Variants in CDH6 observed in about 807,000 individuals in gnomAD.
CDH6 encodes the protein cadherin 6.
In CDH6, 31 loss-of-function variants were observed where a neutral mutation model predicts 78.0. The observed-to-expected ratio is 0.40, with a 90% CI of 0.30 to 0.54. The LOEUF is 0.54. Among genes scored for constraint, CDH6 ranks in the 20% least tolerant of loss-of-function variants. CDH6 has a pLI of 0.56. For synonymous variants in CDH6, 376 were observed against 368.8 expected, an observed-to-expected ratio of 1.02 and a Z score of -0.23; for missense variants, 724 against 975.9, an observed-to-expected ratio of 0.74 and a Z score of 3.44.
At chr5:31,206,374 G>A (rs767810376) in intron 1 of CDH6, among the ~76,000 whole-genome samples, 17 of 152,254 alleles carry the variant, frequency 1.1e-4, no homozygotes, top group South Asian at 4.1e-4. Flanking sequence ...ATCCTTCAGT[G>A]AGTGTACCAG....
intron 11 of CDH6, among the ~76,000 whole-genome samples, 168 bp from the exon 12 acceptor site, chr5:31,322,650 G>T (rs948004046): frequency 1.3e-5 from 2 of 152,200 alleles, no homozygotes; most frequent in African/African-American, 4.8e-5. Context: ...TATGGGTCCC[G>T]GTTTGATCAT....
intron 1 of CDH6, among the ~76,000 whole-genome samples, chr5:31,199,770 A>C (rs1052454233): frequency 6.7e-6 from 1 of 148,270 alleles, no homozygotes; most frequent in East Asian, 2.0e-4. Flanking sequence ...TTATACATCC[A>C]AATAATAATG....
intron 1 of CDH6, among the ~76,000 whole-genome samples, chr5:31,205,110 A>G (rs1228782561): frequency 6.6e-6 from 1 of 152,224 alleles, no homozygotes; most frequent in Non-Finnish European, 1.5e-5. Flanking sequence ...GAGTTTTAAG[A>G]TGAGGGCATC....
chr5:31,287,105 C>A (rs887529911), intron 2 of CDH6, among the ~76,000 whole-genome samples: 4 of 151,928 alleles, frequency 2.6e-5, no homozygotes, highest in Admixed American at 1.3e-4. Context: ...AATGTTCTTC[C>A]CTGGGGTAAC....
At chr5:31,219,575 C>T (rs190283375) in intron 1 of CDH6, among the ~76,000 whole-genome samples, 1 of 152,112 alleles carries the variant, frequency 6.6e-6, no homozygotes, top group Non-Finnish European at 1.5e-5. Context: ...ATGTTGAGCT[C>T]ACCCCAGATA....
At position 31,328,327 on chromosome 5, in the gene CDH6, T is replaced by C. The variant is rs1738661062; in HGVS notation, c.*5019T>C. On this transcript the variant is annotated 3_prime_UTR_variant, in exon 12 of 12. Transcript: ENST00000265071. ...TCTTGGTCTTTCTTGTGAGGCTACG[T>C]TATTTATGTAAATATGTCTGGAGGC... is the stretch of plus-strand genomic sequence containing the variant. 5.0e-6 allele frequency: 1 copy of C among 200,632 alleles called. No individual in the cohort carries two copies. Among genetic ancestry groups the C allele is most frequent in the Admixed American group, 6.0e-5 (1 of 16,600 alleles). 12.4% of individuals were successfully genotyped at this position (200,632 alleles called of 1,614,324 possible).
intron 1 of CDH6, 134 bp downstream of exon 1, chr5:31,194,020 C>G (rs1192261265): frequency 6.6e-6 from 1 of 151,954 alleles, no homozygotes; most frequent in East Asian, 2.0e-4. Context: ...GAGGGATGCT[C>G]TCAGCCTGCG....
At chr5:31,202,894 AAATATT>A (rs1241031101) in intron 1 of CDH6, among the ~76,000 whole-genome samples, 11 of 151,898 alleles carry the variant, frequency 7.2e-5, no homozygotes, top group Non-Finnish European at 1.6e-4. Context: ...GTACTCAACA[AAATATT>A]CTAAGCTCCC....
intron 1 of CDH6, among the ~76,000 whole-genome samples, chr5:31,255,341 G>C (rs1306292139): frequency 6.6e-6 from 1 of 152,184 alleles, no homozygotes; most frequent in Non-Finnish European, 1.5e-5. Context: ...CTCAACAAAA[G>C]ACGAATGTGA....
chr5:31,210,109 T>TGTGTGTG (rs1561024477), intron 1 of CDH6, among the ~76,000 whole-genome samples: 2 of 151,668 alleles, frequency 1.3e-5, no homozygotes, highest in African/African-American at 2.4e-5. Flanking sequence ...TGTGTGTGTG[T>TGTGTGTG]TTGCAGAAGG....
chr5:31,226,229 T>C (rs917423624), intron 1 of CDH6, among the ~76,000 whole-genome samples: 1 of 152,152 alleles, frequency 6.6e-6, no homozygotes, highest in Admixed American at 6.6e-5. Context: ...GGCTGGATTG[T>C]AGTGGCAAAA....
intron 11 of CDH6, chr5:31,318,632 G>A (rs972707369): frequency 8.7e-6 from 2 of 229,282 alleles, no homozygotes; most frequent in Non-Finnish European, 1.7e-5. Context: ...AAGCCTACAA[G>A]TCGAGCTCAG....
rs61496221 is a variant in CDH6, at chr5:31,269,942, GA to G, written c.228+2242del. ...TCAAAGTTGCCTCATGGCTGTATCA[GA>G]CACGCGTTAGAGGTGGTTTTGAGCT... On this transcript the variant is annotated intron_variant, in intron 2 of 11. Coordinates refer to ENST00000265071, the MANE Select transcript of CDH6 (RefSeq NM_004932.4). 3.1e-3 allele frequency among the ~76,000 whole-genome samples: 477 copies of G among 152,276 alleles called. 10 individuals carry two copies. The South Asian group carries it at 0.05, about 16-fold the overall frequency.
chr5:31,324,124 T>A lies in CDH6; in HGVS notation c.*816T>A. The stretch of plus-strand genomic sequence containing the variant: ...GGCCACCACATGTATCACGGGTCAC[T>A]TGAAATTCTTTCAGCTATCAGTAGG... On this transcript the variant is annotated 3_prime_UTR_variant, in exon 12 of 12. Transcript: ENST00000265071. The A allele has an allele frequency of 4.5e-6, 1 of 221,384 alleles. No homozygotes were observed. 13.7% of individuals were successfully genotyped at this position (221,384 alleles called of 1,614,324 possible). A position where few individuals can be genotyped will look rare whatever the true frequency, so the allele number is the denominator to read the frequency against.
rs370143254 is a variant in CDH6 at position 31,313,241 on chromosome 5, A to G, written c.1254-77A>G. The G allele has an allele frequency of 1.4e-5, 18 of 1,319,102 alleles. No homozygotes were observed. In the African/African-American group the frequency reaches 2.3e-4, roughly 17 times the overall value. 81.7% of individuals were successfully genotyped at this position (1,319,102 alleles called of 1,614,324 possible). A position where few individuals can be genotyped will look rare whatever the true frequency, so the allele number is the denominator to read the frequency against. ...TACTCTGGGATATGATGTGTACCAG[A>G]TGTTTTATGATGTTCTATGATGTGA... is the stretch of plus-strand genomic sequence containing the variant. On this transcript the variant is annotated intron_variant, in intron 7 of 11. Coordinates refer to ENST00000265071, the MANE Select transcript of CDH6 (RefSeq NM_004932.4).
intron 1 of CDH6, among the ~76,000 whole-genome samples, chr5:31,236,451 A>C (rs2111865173): frequency 6.6e-6 from 1 of 152,288 alleles, no homozygotes; most frequent in East Asian, 1.9e-4. Flanking sequence ...GGTGATGGGA[A>C]GCAGAGAAAA....
At chr5:31,224,908 GT>G (rs1193031249) in intron 1 of CDH6, among the ~76,000 whole-genome samples, 4 of 152,266 alleles carry the variant, frequency 2.6e-5, no homozygotes, top group African/African-American at 9.6e-5. Flanking sequence ...TTTCAGCCAA[GT>G]TTTCTGTATT....
chr5:31,305,562 A>G, intron 7 of CDH6, 135 bp downstream of exon 7: 2 of 858,030 alleles, frequency 2.3e-6, no homozygotes, highest in Non-Finnish European at 3.6e-6. Flanking sequence ...AAACTATTCT[A>G]AACAGCACCT....
intron 4 of CDH6, among the ~76,000 whole-genome samples, chr5:31,297,896 G>A (rs1737656525): frequency 6.6e-6 from 1 of 152,170 alleles, no homozygotes; most frequent in Admixed American, 6.5e-5. Context: ...TTGCCACAGT[G>A]ATCATGGAAA....
Sources: gnomAD v4.1 joint callset for allele counts (sites outside exome capture counted in the v4.1 genomes callset) on GRCh38, gnomAD v4.1.1 for gene constraint, MANE v1.5 for transcripts, NCBI Gene and HGNC (gene_info 2026-07-23, HGNC 2026-07-21) for gene names.